Variants in DGKH observed in about 807,000 individuals in gnomAD.
DGKH encodes the protein diacylglycerol kinase eta, also known as DAG kinase eta.
A neutral mutation model predicts 159.3 loss-of-function variants in DGKH; 90 were observed. The ratio of observed to expected loss-of-function variants is 0.57; its 90% CI spans 0.48 to 0.67. DGKH has a LOEUF of 0.67. Among genes scored for constraint, DGKH ranks in the 30% least tolerant of loss-of-function variants. DGKH has a pLI of 0.00. For synonymous variants in DGKH, 536 were observed against 553.8 expected (o/e 0.97, Z 0.45); for missense variants, 1,181 against 1,506.1 (o/e 0.78, Z 3.57).
chr13:42,248,839 G>T (rs955114327), intron 29 of DGKH, among the ~76,000 whole-genome samples: 3 of 151,920 alleles, frequency 2.0e-5, no homozygotes, highest in Non-Finnish European at 4.4e-5. Context: ...TAGCTTAGGT[G>T]TGTAGTAGGC....
chr13:42,085,665 A>C lies in DGKH; in HGVS notation c.192+36700A>C, dbSNP rs568261193. On this transcript the variant is annotated intron_variant, in intron 1 of 29. Coordinates refer to ENST00000337343, the MANE Select transcript of DGKH (RefSeq NM_178009.5). ...TAACATTTTCAAAGAGAACAAAAAA[A>C]CGAGCCAGAGTTTGATTCTAAGACA... Among the ~76,000 whole-genome samples, 126 of 152,328 alleles carry C rather than the reference A, an allele frequency of 8.3e-4. 1 individual carries two copies. The highest frequency in any genetic ancestry group is 3.0e-3 in the African/African-American group (123 of 41,584).
At chr13:42,084,601 T>C (rs564894713) in intron 1 of DGKH, among the ~76,000 whole-genome samples, 1 of 152,296 alleles carries the variant, frequency 6.6e-6, no homozygotes, top group South Asian at 2.1e-4. Context: ...TTTAAACAAA[T>C]GTTAAAATAA....
intron 30 of DGKH, among the ~76,000 whole-genome samples, chr13:42,255,018 T>C (rs1402649446): frequency 1.3e-5 from 2 of 152,112 alleles, no homozygotes; most frequent in Non-Finnish European, 2.9e-5. Flanking sequence ...TGAAAATATC[T>C]TGTATATATT....
At position 42,123,760 on chromosome 13, in the gene DGKH, G is replaced by A. The variant is rs1448241635; in HGVS notation, c.193-3703G>A. On this transcript the variant is annotated intron_variant, in intron 1 of 29. Transcript: ENST00000337343. ...ATGCTCAAAGTCAGTAGTCTTTAGGGAAACGCACATTAAAACCACAATGAG... is the reference window on the plus strand; with the variant it reads ...ATGCTCAAAGTCAGTAGTCTTTAGGAAAACGCACATTAAAACCACAATGAG... 2.0e-5 allele frequency among the ~76,000 whole-genome samples: 3 copies of A among 152,300 alleles called. No individual in the cohort carries two copies. In the East Asian group the frequency reaches 5.8e-4, roughly 29 times the overall value.
intron 1 of DGKH, among the ~76,000 whole-genome samples, chr13:42,058,900 C>T (rs1368552421): frequency 1.3e-5 from 2 of 152,122 alleles, no homozygotes; most frequent in African/African-American, 4.8e-5. Flanking sequence ...CTCCCTGAAT[C>T]CCATTAGCCA....
At chr13:42,249,298 C>A (rs575080829) in intron 29 of DGKH, among the ~76,000 whole-genome samples, 2 of 152,112 alleles carry the variant, frequency 1.3e-5, no homozygotes, top group African/African-American at 4.8e-5. Flanking sequence ...CGATTGAGCC[C>A]GGGAGGACCA....
chr13:42,226,350 A>G (rs557110868), intron 29 of DGKH, among the ~76,000 whole-genome samples: 1 of 152,264 alleles, frequency 6.6e-6, no homozygotes, highest in Admixed American at 6.5e-5. Flanking sequence ...TGTTGGTGGG[A>G]ATGTAAATTA....
At chr13:42,178,630 A>G (rs1447834786) in intron 13 of DGKH, among the ~76,000 whole-genome samples, 5 of 152,216 alleles carry the variant, frequency 3.3e-5, no homozygotes, top group Admixed American at 3.3e-4. Flanking sequence ...GATTTTTCAA[A>G]ATGATGTTTC....
chr13:42,164,681 A>C (rs1429483520), intron 7 of DGKH, among the ~76,000 whole-genome samples: 1 of 152,198 alleles, frequency 6.6e-6, no homozygotes, highest in Non-Finnish European at 1.5e-5. Context: ...AGTACCTTGC[A>C]TGACCATGAA....
chr13:42,172,071 GC>G (rs1956473178), intron 11 of DGKH, among the ~76,000 whole-genome samples: 1 of 151,120 alleles, frequency 6.6e-6, no homozygotes, highest in Non-Finnish European at 1.5e-5. Flanking sequence ...CTCGTGATCC[GC>G]CCGCCTCGGC....
chr13:42,216,841 A>T (rs554385186), intron 26 of DGKH, among the ~76,000 whole-genome samples: 2 of 152,354 alleles, frequency 1.3e-5, no homozygotes, highest in South Asian at 4.1e-4. Flanking sequence ...GTTTTTAACC[A>T]GAATCTTCTG....
At chr13:42,174,364 G>A (rs1244440333) in intron 12 of DGKH, among the ~76,000 whole-genome samples, 1 of 152,058 alleles carries the variant, frequency 6.6e-6, no homozygotes, top group African/African-American at 2.4e-5. Context: ...ACCCACACCG[G>A]GAGTGCCCAG....
At position 42,229,644 on chromosome 13, in the gene DGKH, A is replaced by G. The variant is rs1958238853; in HGVS notation, c.*456A>G. ...GGTTAGGAGACTAAAATATAAATTAAGTTGTGATTTGAATGTAGATTGGTA... is the reference window on the plus strand; with the variant it reads ...GGTTAGGAGACTAAAATATAAATTAGGTTGTGATTTGAATGTAGATTGGTA... On this transcript the variant is annotated 3_prime_UTR_variant, in exon 30 of 30. Coordinates refer to ENST00000337343, the MANE Select transcript of DGKH (RefSeq NM_178009.5). 6.5e-6 allele frequency: 1 copy of G among 153,562 alleles called. No individual in the cohort carries two copies. Among genetic ancestry groups the G allele is most frequent in the African/African-American group, 2.4e-5 (1 of 41,470 alleles). The allele number at this position is 153,562 out of a possible 1,614,324, so 9.5% of individuals were successfully genotyped here. A position where few individuals can be genotyped will look rare whatever the true frequency, so the allele number is the denominator to read the frequency against.
intron 1 of DGKH, among the ~76,000 whole-genome samples, chr13:42,097,137 G>A (rs1012229701): frequency 6.6e-6 from 1 of 152,180 alleles, no homozygotes; most frequent in African/African-American, 2.4e-5. Flanking sequence ...TGAAATTCGT[G>A]TGGGTTTATT....
chr13:42,043,996 G>A (rs1434000261), upstream of DGKH: 2 of 152,006 alleles, frequency 1.3e-5, no homozygotes, highest in African/African-American at 2.4e-5. Flanking sequence ...CCCCCATGCC[G>A]GGCTAATTTT....
chr13:42,153,143 A>G (rs981545587), intron 3 of DGKH, among the ~76,000 whole-genome samples: 1 of 152,188 alleles, frequency 6.6e-6, no homozygotes, highest in Non-Finnish European at 1.5e-5. Flanking sequence ...GAAAAGGAGA[A>G]ATTGCAAATG....
Position 42,215,942 on chromosome 13 carries a change from T to G in DGKH, c.3213+275T>G, listed in dbSNP as rs575983918. Among the ~76,000 whole-genome samples, 74 of 152,350 alleles carry G rather than the reference T, an allele frequency of 4.9e-4. 4 individuals carry two copies. The South Asian group carries it at 0.015, about 30-fold the overall frequency. On this transcript the variant is annotated intron_variant, in intron 26 of 29. Coordinates refer to ENST00000337343, the MANE Select transcript of DGKH (RefSeq NM_178009.5). The stretch of plus-strand genomic sequence containing the variant: ...CTGCCCCATTCAGCTTCGAGAGACG[T>G]GAGCTTTATAAAGTGTAGTAGACAT...
chr13:42,214,268 T>C (rs1166199784), intron 24 of DGKH, among the ~76,000 whole-genome samples: 12 of 152,228 alleles, frequency 7.9e-5, no homozygotes, highest in Admixed American at 7.9e-4. Flanking sequence ...TATGTCTCCC[T>C]CTGATTTTTA....
At chr13:42,094,970 G>A (rs1022203200) in intron 1 of DGKH, among the ~76,000 whole-genome samples, 4 of 151,990 alleles carry the variant, frequency 2.6e-5, no homozygotes, top group Non-Finnish European at 5.9e-5. Flanking sequence ...TTGAAATAAG[G>A]CAAAAAACTT....
Sources: allele counts gnomAD v4.1 joint callset (sites outside exome capture counted in the v4.1 genomes callset), GRCh38; gene constraint gnomAD v4.1.1; transcripts MANE v1.5; gene names NCBI Gene and HGNC (gene_info 2026-07-23, HGNC 2026-07-21).